The following CDC5L variants were observed in gnomAD, a reference collection of about 807,000 sequenced individuals.
CDC5L encodes cell division cycle 5 like, also known as cell division cycle 5-like protein.
Under a neutral mutation model 104.1 loss-of-function variants are expected in CDC5L, and 18 were observed. The ratio of observed to expected loss-of-function variants is 0.17; its 90% CI spans 0.12 to 0.26. The LOEUF (loss-of-function observed/expected upper bound fraction) is 0.26. Ranked by LOEUF, CDC5L falls within the 10% of genes least tolerant of loss-of-function variation. The pLI is 1.00. For synonymous variants in CDC5L, 331 were observed against 322.7 expected (o/e 1.03, Z -0.28); for missense variants, 673 against 956.9 (o/e 0.70, Z 3.91).
intron 15 of CDC5L, among the ~76,000 whole-genome samples, chr6:44,446,291 A>G (rs1382910931): frequency 6.6e-6 from 1 of 152,206 alleles, no homozygotes. Flanking sequence ...GATTGAATTT[A>G]TCTCCCAAAT....
chr6:44,437,745 T>C (rs1793001418), intron 14 of CDC5L, among the ~76,000 whole-genome samples: 2 of 152,244 alleles, frequency 1.3e-5, no homozygotes, highest in South Asian at 2.1e-4. Context: ...ATAGGTATTA[T>C]GCTGTAAAAC....
intron 14 of CDC5L, among the ~76,000 whole-genome samples, chr6:44,439,040 C>A (rs1318160693): frequency 6.6e-6 from 1 of 152,122 alleles, no homozygotes; most frequent in East Asian, 1.9e-4. Flanking sequence ...CCCTAGGAAA[C>A]CATTAATCTA....
In CDC5L at chr6:44,424,399, G is replaced by A; in HGVS notation, c.1405-20G>A. ...ATGTTTAATATGCATGAATTGAGAAGGACCACTTCTTTTCTACAGGAAAGA... is the reference window on the plus strand; with the variant it reads ...ATGTTTAATATGCATGAATTGAGAAAGACCACTTCTTTTCTACAGGAAAGA... On this transcript the variant is annotated intron_variant, in intron 10 of 15. Transcript: ENST00000371477. 1.2e-6 allele frequency: 2 copies of A among 1,604,694 alleles called. No individual in the cohort carries two copies. The highest frequency in any genetic ancestry group is 8.5e-7 in the Non-Finnish European group (1 of 1,174,302).
chr6:44,435,180 C>T (rs985489957), intron 14 of CDC5L, among the ~76,000 whole-genome samples: 6 of 139,844 alleles, frequency 4.3e-5, no homozygotes, highest in Non-Finnish European at 6.0e-5. Context: ...CTACATTTTT[C>T]ATTTAATAGT....
intron 14 of CDC5L, among the ~76,000 whole-genome samples, chr6:44,433,726 CA>C (rs1792794850): frequency 6.6e-6 from 1 of 152,152 alleles, no homozygotes; most frequent in African/African-American, 2.4e-5. Flanking sequence ...ACAGATAACA[CA>C]CTTAAAATCC....
At chr6:44,432,660 T>G (rs1457515157) in intron 14 of CDC5L, among the ~76,000 whole-genome samples, 1 of 152,214 alleles carries the variant, frequency 6.6e-6, no homozygotes, top group Non-Finnish European at 1.5e-5. Flanking sequence ...ATCTCAGATT[T>G]TATGTAGAAT....
At chr6:44,426,305 T>A in intron 12 of CDC5L, 122 bp downstream of exon 12, 1 of 781,358 alleles carries the variant, frequency 1.3e-6, no homozygotes, top group African/African-American at 1.8e-5. Flanking sequence ...TATAGCAAAG[T>A]AGTTCTCAAA....
chr6:44,404,324 G>GT (rs1276729529), intron 6 of CDC5L, among the ~76,000 whole-genome samples: 4 of 151,448 alleles, frequency 2.6e-5, no homozygotes, highest in African/African-American at 9.7e-5. Context: ...TTTTTTTATT[G>GT]TTTTGTAGGG....
chr6:44,441,087 A>G (rs1793164478), intron 14 of CDC5L, among the ~76,000 whole-genome samples: 2 of 152,204 alleles, frequency 1.3e-5, no homozygotes, highest in Non-Finnish European at 2.9e-5. Flanking sequence ...ACCAGAACCT[A>G]TTCTTCCGTC....
At chr6:44,429,519 A>G (rs964046749) in intron 13 of CDC5L, among the ~76,000 whole-genome samples, 194 bp from the exon 14 acceptor site, 16 of 152,278 alleles carry the variant, frequency 1.1e-4, no homozygotes, top group Non-Finnish European at 2.1e-4. Flanking sequence ...TTGATTTTTA[A>G]AAAGCAGTCT....
chr6:44,394,890 ATACAC>A, intron 4 of CDC5L, among the ~76,000 whole-genome samples: 1 of 2,974 alleles, frequency 3.4e-4, no homozygotes, highest in Admixed American at 5.4e-3. Flanking sequence ...AAAAAATGGT[ATACAC>A]ACACACACAC....
intron 5 of CDC5L, among the ~76,000 whole-genome samples, chr6:44,399,237 G>C (rs1791008166): frequency 6.6e-6 from 1 of 152,336 alleles, no homozygotes; most frequent in Middle Eastern, 3.4e-3. Flanking sequence ...GCAGGTGTGA[G>C]CCACTGTGAC....
chr6:44,428,557 C>A (rs1188084652), intron 13 of CDC5L, among the ~76,000 whole-genome samples: 1 of 152,128 alleles, frequency 6.6e-6, no homozygotes, highest in Non-Finnish European at 1.5e-5. Flanking sequence ...CACATCTGAT[C>A]TAAGGTCAGC....
At chr6:44,393,376 C>T in intron 3 of CDC5L, 70 bp from the exon 4 acceptor site, 1 of 1,440,400 alleles carries the variant, frequency 6.9e-7, no homozygotes, top group Non-Finnish European at 9.4e-7. Context: ...ATCGTCAGAA[C>T]TTGGAAATCT....
chr6:44,402,062 C>G (rs1228810674), intron 5 of CDC5L, among the ~76,000 whole-genome samples: 1 of 139,702 alleles, frequency 7.2e-6, no homozygotes, highest in African/African-American at 2.7e-5. Context: ...CATTGTTGGA[C>G]ATTTGGGTTG....
intron 14 of CDC5L, among the ~76,000 whole-genome samples, chr6:44,435,094 C>G (rs914363982): frequency 6.8e-6 from 1 of 146,968 alleles, no homozygotes; most frequent in South Asian, 2.2e-4. Flanking sequence ...CCCCTGCCCC[C>G]ACATACTCCC....
chr6:44,387,945 G>GT, intron 1 of CDC5L, 77 bp downstream of exon 1: 1 of 1,451,324 alleles, frequency 6.9e-7, no homozygotes. Flanking sequence ...GAGGTCGGGG[G>GT]GGCGACGAGG....
chr6:44,427,925 A>G (rs1053911155), intron 13 of CDC5L, among the ~76,000 whole-genome samples: 5 of 152,246 alleles, frequency 3.3e-5, no homozygotes, highest in Admixed American at 1.3e-4. Flanking sequence ...GGTAAACCCT[A>G]ACACAATTTT....
At chr6:44,444,862 A>G (rs1793374666) in intron 14 of CDC5L, among the ~76,000 whole-genome samples, 1 of 152,100 alleles carries the variant, frequency 6.6e-6, no homozygotes. Context: ...TCTAGGAGGA[A>G]TTGGTAGGCC....
Sources: gnomAD v4.1 joint callset for allele counts (sites outside exome capture counted in the v4.1 genomes callset) on GRCh38, gnomAD v4.1.1 for gene constraint, MANE v1.5 for transcripts, NCBI Gene and HGNC (gene_info 2026-07-23, HGNC 2026-07-21) for gene names.